The following PALS1 variants were observed in gnomAD, a reference collection of about 807,000 sequenced individuals.
PALS1 encodes protein associated with LIN7 1, MAGUK p55 family member, also known as protein PALS1.
In PALS1, 31 loss-of-function variants were observed where a neutral mutation model predicts 78.9. The observed-to-expected ratio is 0.39, with a 90% CI of 0.30 to 0.53. The LOEUF (loss-of-function observed/expected upper bound fraction) is 0.53, where lower values mean the gene tolerates loss of function less well. PALS1 is among the 20% of genes least tolerant of loss of function. PALS1 has a pLI of 0.67. For synonymous variants in PALS1, 276 were observed against 270.9 expected, an observed-to-expected ratio of 1.02 and a Z score of -0.18; for missense variants, 704 against 826.5, an observed-to-expected ratio of 0.85 and a Z score of 1.82.
intron 1 of PALS1, among the ~76,000 whole-genome samples, chr14:67,262,317 T>C (rs2084251343): frequency 6.6e-6 from 1 of 152,162 alleles, no homozygotes; most frequent in East Asian, 1.9e-4. Context: ...AATGCAATAA[T>C]TAAAAAATAG....
intron 2 of PALS1, among the ~76,000 whole-genome samples, chr14:67,278,703 G>A (rs577629466): frequency 3.9e-5 from 6 of 152,232 alleles, no homozygotes; most frequent in South Asian, 2.1e-4. Context: ...AGCAAGCAAC[G>A]TGTTCTCTAC....
At chr14:67,324,783 G>A (rs560722035) in intron 14 of PALS1, among the ~76,000 whole-genome samples, 42 of 151,240 alleles carry the variant, frequency 2.8e-4, no homozygotes, top group East Asian at 1.9e-3. Context: ...ACAGGGTCTC[G>A]CTATGTTGCC....
intron 4 of PALS1, among the ~76,000 whole-genome samples, chr14:67,299,649 C>T (rs1230733453): frequency 2.0e-5 from 3 of 152,042 alleles, no homozygotes; most frequent in Admixed American, 6.6e-5. Flanking sequence ...TCCTTAACAC[C>T]GTTGTAGAAG....
intron 13 of PALS1, 137 bp downstream of exon 13, chr14:67,321,396 T>C (rs999310484): frequency 8.5e-5 from 66 of 773,676 alleles, no homozygotes; most frequent in Admixed American, 1.0e-4. Flanking sequence ...TGATTTGCTA[T>C]CTGAAATCAC....
chr14:67,252,392 C>T (rs1431121859), intron 1 of PALS1, among the ~76,000 whole-genome samples: 1 of 152,092 alleles, frequency 6.6e-6, no homozygotes, highest in Admixed American at 6.5e-5. Context: ...TGGTCTCCAG[C>T]AGTCCTCCAG....
intron 1 of PALS1, among the ~76,000 whole-genome samples, chr14:67,251,761 G>C (rs903221379): frequency 6.6e-6 from 1 of 152,158 alleles, no homozygotes; most frequent in Non-Finnish European, 1.5e-5. Context: ...TCTTTTGTTT[G>C]AATGAGGGTG....
At chr14:67,285,681 T>C (rs553408193) in intron 3 of PALS1, among the ~76,000 whole-genome samples, 1 of 152,250 alleles carries the variant, frequency 6.6e-6, no homozygotes, top group African/African-American at 2.4e-5. Flanking sequence ...TTAGGTAATT[T>C]TAATGTTTAC....
intron 1 of PALS1, among the ~76,000 whole-genome samples, chr14:67,268,693 C>T (rs1479253893): frequency 6.6e-6 from 1 of 152,168 alleles, no homozygotes; most frequent in Non-Finnish European, 1.5e-5. Flanking sequence ...ATATAGTGAG[C>T]AGTGAGCACA....
chr14:67,323,018 T>G (rs778556543), intron 13 of PALS1, among the ~76,000 whole-genome samples: 4 of 152,180 alleles, frequency 2.6e-5, no homozygotes, highest in Non-Finnish European at 5.9e-5. Flanking sequence ...GTAAGGCAAC[T>G]TGTATGATTC....
chr14:67,319,535 C>T (rs1308973295), intron 11 of PALS1, among the ~76,000 whole-genome samples: 1 of 151,776 alleles, frequency 6.6e-6, no homozygotes, highest in Non-Finnish European at 1.5e-5. Context: ...TTGTGGTTTC[C>T]CTGGGCCACA....
At chr14:67,275,963 G>A (rs1191695614) in intron 2 of PALS1, among the ~76,000 whole-genome samples, 1 of 152,072 alleles carries the variant, frequency 6.6e-6, no homozygotes, top group African/African-American at 2.4e-5. Context: ...GGTTGGTGGT[G>A]ATACCCCCTT....
intron 14 of PALS1, among the ~76,000 whole-genome samples, chr14:67,329,467 A>C (rs28524846): frequency 0.16 from 23,572 of 152,020 alleles, 3,450 homozygotes; most frequent in East Asian, 0.42. Context: ...AATACCCTTT[A>C]TTTCTTTCTC....
chr14:67,281,224 ACAT>A (rs1289402480), intron 3 of PALS1, among the ~76,000 whole-genome samples: 1 of 151,966 alleles, frequency 6.6e-6, no homozygotes, highest in Admixed American at 6.6e-5. Context: ...CTACTACATC[ACAT>A]CATCTTCTTT....
In PALS1 at chr14:67,258,250, A is replaced by G. The variant is rs78029666; in HGVS notation, c.-236-11451A>G. ...GGTACTCATCCATAAAAATTTGATA[A>G]TAGGCCAGGCACCGTGGCTCACTCC... On this transcript the variant is annotated intron_variant, in intron 1 of 14. Coordinates refer to ENST00000261681, the MANE Select transcript of PALS1 (RefSeq NM_022474.4). Among the ~76,000 whole-genome samples, 1,306 of 152,166 alleles carry G rather than the reference A, an allele frequency of 8.6e-3. 17 individuals are homozygous for G. Among genetic ancestry groups the G allele is most frequent in the African/African-American group, 0.028 (1,182 of 41,500 alleles).
Position 67,279,489 on chromosome 14 carries a change from G to A in PALS1, c.319G>A (p.Glu107Lys), listed in dbSNP as rs1381886576. The A allele has an allele frequency of 8.2e-6, 13 of 1,583,522 alleles. No individual in the cohort carries two copies. The highest frequency in any genetic ancestry group is 1.1e-5 in the Non-Finnish European group (13 of 1,166,810). ...AATAGATAACCCTATGTTTGATACA[G>A]AGGAAGGAATTGTCTTAGAAAGTCC... ...TGIDNPMFDT[E>K]EGIVLESPHY... The change falls in exon 3 of 15, where the codon GAG becomes AAG. Residue 107 changes from glutamate to lysine, a missense_variant. Coordinates refer to ENST00000261681, the MANE Select transcript of PALS1 (RefSeq NM_022474.4).
chr14:67,298,245 T>C (rs1289466332), intron 4 of PALS1, among the ~76,000 whole-genome samples: 1 of 152,146 alleles, frequency 6.6e-6, no homozygotes, highest in African/African-American at 2.4e-5. Context: ...ATTTTAGTAA[T>C]TTATTAGTAT....
At chr14:67,311,035 G>A (rs1026001899) in intron 8 of PALS1, among the ~76,000 whole-genome samples, 4 of 152,156 alleles carry the variant, frequency 2.6e-5, no homozygotes, top group Non-Finnish European at 5.9e-5. Flanking sequence ...GCTAAGGCCA[G>A]GCGTGGTGGC....
At chr14:67,287,068 A>T (rs1535489) in intron 3 of PALS1, among the ~76,000 whole-genome samples, 1 of 151,828 alleles carries the variant, frequency 6.6e-6, no homozygotes, top group South Asian at 2.1e-4. Flanking sequence ...ATACAAAAAA[A>T]TTAGTTGGGT....
intron 1 of PALS1, among the ~76,000 whole-genome samples, chr14:67,246,282 G>T (rs1036403675): frequency 1.3e-5 from 2 of 151,168 alleles, no homozygotes; most frequent in African/African-American, 2.4e-5. Flanking sequence ...GCGTGCCACC[G>T]CACTTGGCTG....
Sources: allele counts gnomAD v4.1 joint callset (sites outside exome capture counted in the v4.1 genomes callset), GRCh38; gene constraint gnomAD v4.1.1; transcripts MANE v1.5; gene names NCBI Gene and HGNC (gene_info 2026-07-23, HGNC 2026-07-21).